The following COA1 variants were observed in gnomAD, a reference collection of about 807,000 sequenced individuals.
COA1 encodes the protein cytochrome c oxidase assembly factor 1.
In COA1, 13 loss-of-function variants were observed where a neutral mutation model predicts 16.0. The ratio of observed to expected loss-of-function variants is 0.81; its 90% CI spans 0.53 to 1.29. The LOEUF (loss-of-function observed/expected upper bound fraction) is 1.29, where lower values mean the gene tolerates loss of function less well. Among genes scored for constraint, COA1 ranks in the 50% most tolerant of loss-of-function variants. The pLI is 0.00. For synonymous variants in COA1, 65 were observed against 65.7 expected (o/e 0.99, Z 0.05); for missense variants, 179 against 177.0 (o/e 1.01, Z -0.06).
At chr7:43,712,019 T>A (rs2131790674) in intron 1 of COA1, among the ~76,000 whole-genome samples, 1 of 152,272 alleles carries the variant, frequency 6.6e-6, no homozygotes, top group African/African-American at 2.4e-5. Context: ...CCTGATCCCA[T>A]CCCCTTCCCT....
At chr7:43,655,465 A>G (rs546473097) in intron 1 of COA1, among the ~76,000 whole-genome samples, 2 of 152,310 alleles carry the variant, frequency 1.3e-5, no homozygotes, top group East Asian at 3.9e-4. Context: ...AGCCTGGCCA[A>G]CATGGTGAAA....
intron 4 of COA1, chr7:43,640,975 A>G (rs2086896135): frequency 8.9e-6 from 2 of 225,176 alleles, no homozygotes; most frequent in South Asian, 1.8e-4. Flanking sequence ...AACATCGATG[A>G]ATATCAAAAA....
chr7:43,637,396 C>CAGTT (rs753595016), downstream of COA1, among the ~76,000 whole-genome samples: 1 of 152,170 alleles, frequency 6.6e-6, no homozygotes, highest in Non-Finnish European at 1.5e-5. Context: ...TACAAGTCTA[C>CAGTT]AGTTTGTATA....
intron 6 of COA1, among the ~76,000 whole-genome samples, chr7:43,628,975 T>A (rs543299894): frequency 1.3e-4 from 20 of 152,314 alleles, no homozygotes; most frequent in Admixed American, 3.3e-4. Flanking sequence ...TTCTTAGGAG[T>A]ATGATAGTTG....
chr7:43,721,397 C>G (rs1159720797), intron 1 of COA1, among the ~76,000 whole-genome samples: 1 of 152,134 alleles, frequency 6.6e-6, no homozygotes, highest in Non-Finnish European at 1.5e-5. Context: ...TATAGCACAA[C>G]ACTGCCACCT....
intron 6 of COA1, chr7:43,631,014 A>G (rs529666593): frequency 7.2e-5 from 11 of 152,030 alleles, no homozygotes; most frequent in Admixed American, 2.0e-4. Context: ...GTATTTACCC[A>G]TATTTTTGCT....
intron 1 of COA1, among the ~76,000 whole-genome samples, chr7:43,660,860 T>C (rs2092350261): frequency 6.6e-6 from 1 of 152,236 alleles, no homozygotes; most frequent in Non-Finnish European, 1.5e-5. Context: ...AAACTGATTG[T>C]ATCCCATTCT....
intron 1 of COA1, among the ~76,000 whole-genome samples, chr7:43,700,080 G>C (rs1278485748): frequency 6.6e-6 from 1 of 152,002 alleles, no homozygotes; most frequent in African/African-American, 2.4e-5. Flanking sequence ...CAAAAATCAA[G>C]ACTGTACCAG....
intron 1 of COA1, among the ~76,000 whole-genome samples, chr7:43,708,810 T>C (rs1450649882): frequency 6.6e-6 from 1 of 152,182 alleles, no homozygotes; most frequent in Non-Finnish European, 1.5e-5. Flanking sequence ...TCCCATATCC[T>C]ATACATAATC....
intron 1 of COA1, among the ~76,000 whole-genome samples, chr7:43,651,522 C>A (rs1344148842): frequency 2.0e-5 from 3 of 152,064 alleles, no homozygotes; most frequent in Non-Finnish European, 2.9e-5. Flanking sequence ...GCTGGAGGAT[C>A]CTCCTGTCAG....
intron 1 of COA1, among the ~76,000 whole-genome samples, chr7:43,681,129 T>C (rs554867823): frequency 7.2e-5 from 11 of 152,264 alleles, no homozygotes; most frequent in African/African-American, 2.6e-4. Flanking sequence ...ATTTCTGTCA[T>C]TTTTTTCTCC....
At chr7:43,635,912 G>T (rs982265856), downstream of COA1, among the ~76,000 whole-genome samples, 2 of 152,086 alleles carry the variant, frequency 1.3e-5, no homozygotes, top group African/African-American at 2.4e-5. Context: ...GTATAGTAGG[G>T]GGTCTAATTT....
Position 43,691,317 on chromosome 7 carries a change from GAAAGAA to G in COA1, c.-39+38106_-39+38111del, listed in dbSNP as rs1348429860. On this transcript the variant is annotated intron_variant, in intron 1 of 5. Coordinates refer to ENST00000223336, the MANE Select transcript of COA1 (RefSeq NM_018224.4). The stretch of plus-strand genomic sequence containing the variant: ...AGAAAGAAAGAAAGAAAGAAAGAAA[GAAAGAA>G]AGAAAGAGAAAGAGAGAGAGGGAGG... Among the ~76,000 whole-genome samples the G allele has an allele frequency of 4.8e-4, 49 of 102,080 alleles. 3 individuals carry two copies. The highest frequency in any genetic ancestry group is 8.5e-4 in the Admixed American group (8 of 9,380). 67.0% of individuals were successfully genotyped at this position (102,080 alleles called of 152,430 possible). A position where few individuals can be genotyped will look rare whatever the true frequency, so the allele number is the denominator to read the frequency against.
Position 43,631,676 on chromosome 7 carries a change from T to A in COA1, c.*133+7773A>T, listed in dbSNP as rs189105009. The A allele has an allele frequency of 1.6e-4, 24 of 152,338 alleles. No homozygotes were observed. The East Asian group carries it at 4.4e-3, about 28-fold the overall frequency. The allele number at this position is 152,338 out of a possible 1,614,324, so 9.4% of individuals were successfully genotyped here. On this transcript the variant is annotated intron_variant and NMD_transcript_variant, in intron 6 of 6. Transcript: ENST00000415076. ...CTTGATGCTTTCAAGCTTTTTTCTG[T>A]CTTTAGTTTTCAGAAGTCTGTCCTA...
chr7:43,687,210 T>C (rs968008641), intron 1 of COA1, among the ~76,000 whole-genome samples: 3 of 152,230 alleles, frequency 2.0e-5, no homozygotes, highest in African/African-American at 7.2e-5. Context: ...GTAATTGCCA[T>C]GAACGATTTC....
intron 1 of COA1, among the ~76,000 whole-genome samples, chr7:43,667,456 TA>T (rs759966345): frequency 7.2e-5 from 11 of 152,234 alleles, no homozygotes; most frequent in Non-Finnish European, 1.5e-4. Context: ...TTCTAACGTC[TA>T]AGTATATGCT....
chr7:43,691,309 GAA>G (rs1563382074), intron 1 of COA1, among the ~76,000 whole-genome samples: 27 of 90,528 alleles, frequency 3.0e-4, no homozygotes, highest in Middle Eastern at 5.6e-3. Flanking sequence ...AAGAAAGAAA[GAA>G]AGAAAGAAAG....
At chr7:43,723,409 T>C (rs962965663) in intron 1 of COA1, among the ~76,000 whole-genome samples, 1 of 152,206 alleles carries the variant, frequency 6.6e-6, no homozygotes. Context: ...CTTCAACTAA[T>C]GACATGGTTA....
chr7:43,658,124 C>G (rs996599907), intron 1 of COA1, among the ~76,000 whole-genome samples: 1 of 151,988 alleles, frequency 6.6e-6, no homozygotes, highest in African/African-American at 2.4e-5. Flanking sequence ...CGCTTGTAAT[C>G]CCAGCACTTT....
Sources: allele counts gnomAD v4.1 joint callset (sites outside exome capture counted in the v4.1 genomes callset), GRCh38; gene constraint gnomAD v4.1.1; transcripts MANE v1.5; gene names NCBI Gene and HGNC (gene_info 2026-07-23, HGNC 2026-07-21).